LARP4B: variants seen among roughly 807,000 people sequenced by gnomAD.
The protein encoded by LARP4B is La ribonucleoprotein 4B.
Under a neutral mutation model 89.8 loss-of-function variants are expected in LARP4B, and 12 were observed. The ratio of observed to expected loss-of-function variants is 0.13; its 90% CI spans 0.09 to 0.22. The LOEUF is 0.22. Ranked by LOEUF, LARP4B falls within the 10% of genes least tolerant of loss-of-function variation. LARP4B has a pLI of 1.00. For synonymous variants in LARP4B, 367 were observed against 363.3 expected (o/e 1.01, Z -0.12); for missense variants, 757 against 947.7 (o/e 0.80, Z 2.64).
At chr10:895,672 C>CAAA (rs1312520352) in intron 1 of LARP4B, among the ~76,000 whole-genome samples, 2 of 64,138 alleles carry the variant, frequency 3.1e-5, no homozygotes, top group African/African-American at 6.1e-5. Context: ...GAGTCCATCT[C>CAAA]AAAAAAAAAA....
intron 5 of LARP4B, among the ~76,000 whole-genome samples, chr10:861,370 T>C (rs952791610): frequency 1.3e-5 from 2 of 152,192 alleles, no homozygotes; most frequent in African/African-American, 2.4e-5. Context: ...ACAGAAAATC[T>C]GGGGTATACC....
the LARP4B span, among the ~76,000 whole-genome samples, chr10:965,083 G>A: frequency 1.3e-5 from 2 of 152,218 alleles, no homozygotes; most frequent in African/African-American, 2.4e-5. Flanking sequence ...GAGTGGACGG[G>A]GGACCTGCTA....
intron 3 of LARP4B, among the ~76,000 whole-genome samples, chr10:868,619 A>C (rs988825183): frequency 2.0e-5 from 3 of 152,204 alleles, no homozygotes; most frequent in African/African-American, 7.2e-5. Flanking sequence ...CACTTCTGTA[A>C]AAGATTAACT....
intron 5 of LARP4B, among the ~76,000 whole-genome samples, chr10:852,980 G>A (rs1834130181): frequency 6.6e-6 from 1 of 152,174 alleles, no homozygotes; most frequent in African/African-American, 2.4e-5. Context: ...ACAAGTAAGA[G>A]ATACATCTTG....
At chr10:906,756 T>A (rs910948160) in intron 1 of LARP4B, among the ~76,000 whole-genome samples, 14 of 152,136 alleles carry the variant, frequency 9.2e-5, no homozygotes, top group Admixed American at 7.9e-4. Context: ...TGATAACCAA[T>A]CTCTCTTATT....
At chr10:868,810 T>C (rs1835044913) in intron 3 of LARP4B, among the ~76,000 whole-genome samples, 1 of 152,230 alleles carries the variant, frequency 6.6e-6, no homozygotes, top group African/African-American at 2.4e-5. Context: ...TTTATTTCCA[T>C]ATAGTAAGTG....
At position 915,832 on chromosome 10, in the gene LARP4B, CA is replaced by C. The variant is rs71297915; in HGVS notation, c.-40+15595del. Among the ~76,000 whole-genome samples the C allele has an allele frequency of 4.8e-3, 363 of 75,166 alleles. 1 individual carries two copies. Among genetic ancestry groups the C allele is most frequent in the African/African-American group, 8.6e-3 (160 of 18,540 alleles). The allele number at this position is 75,166 out of a possible 152,430, so 49.3% of individuals were successfully genotyped here. Reference sequence around the variant, plus strand: ...TGGGAGACAGAGCGAGACTCCGCCTCAAAAAAAAAAAAAAAAAAGGTTTTTG... The same window carrying C: ...TGGGAGACAGAGCGAGACTCCGCCTCAAAAAAAAAAAAAAAAAGGTTTTTG... On this transcript the variant is annotated intron_variant, in intron 1 of 17. Coordinates refer to ENST00000316157, the MANE Select transcript of LARP4B (RefSeq NM_015155.3).
intron 5 of LARP4B, among the ~76,000 whole-genome samples, chr10:857,350 G>GT (rs1193006011): frequency 2.0e-5 from 3 of 152,200 alleles, no homozygotes; most frequent in Non-Finnish European, 4.4e-5. Context: ...GAAAACTACT[G>GT]TAACAGAAAT....
intron 3 of LARP4B, among the ~76,000 whole-genome samples, chr10:878,197 G>A (rs1332887130): frequency 6.6e-6 from 1 of 152,174 alleles, no homozygotes; most frequent in Non-Finnish European, 1.5e-5. Flanking sequence ...GACTACGAAG[G>A]CTAGGGACCT....
chr10:833,104 G>A lies in LARP4B; in HGVS notation c.751-2127C>T, dbSNP rs567673321. The stretch of plus-strand genomic sequence containing the variant: ...AGGCATGGTGCTCTGTGAATTACAC[G>A]GACTCTAGTAAAGTTAGAGGGTCAG... On this transcript the variant is annotated intron_variant, in intron 8 of 17. Transcript: ENST00000316157. Among the ~76,000 whole-genome samples the A allele has an allele frequency of 6.6e-5, 10 of 151,986 alleles. No individual in the cohort carries two copies. The East Asian group carries it at 1.7e-3, about 26-fold the overall frequency.
chr10:934,261 C>T (rs1830719882), upstream of LARP4B, among the ~76,000 whole-genome samples: 1 of 151,926 alleles, frequency 6.6e-6, no homozygotes, highest in East Asian at 2.0e-4. Context: ...CTTTAGGAGG[C>T]CAAGGCAGGC....
chr10:879,687 C>A (rs1468492677), intron 3 of LARP4B, among the ~76,000 whole-genome samples: 1 of 152,074 alleles, frequency 6.6e-6, no homozygotes, highest in African/African-American at 2.4e-5. Context: ...GATATGGGGT[C>A]TTGAACTGGG....
intron 13 of LARP4B, chr10:821,048 C>T (rs1436311350): frequency 1.7e-5 from 10 of 571,996 alleles, no homozygotes; most frequent in Admixed American, 3.2e-5. Context: ...AAGGGACTAA[C>T]GTGGAAGTCC....
intron 1 of LARP4B, among the ~76,000 whole-genome samples, chr10:919,451 C>G (rs1243712713): frequency 4.0e-5 from 6 of 151,762 alleles, no homozygotes; most frequent in Non-Finnish European, 8.8e-5. Flanking sequence ...GTCACCAAGA[C>G]TCAGTTTCCC....
intron 1 of LARP4B, among the ~76,000 whole-genome samples, chr10:897,559 T>C (rs1320283744): frequency 6.6e-6 from 1 of 152,120 alleles, no homozygotes; most frequent in Non-Finnish European, 1.5e-5. Context: ...CAAAGCACAC[T>C]ATCAAGAAAG....
At chr10:895,250 ATAAG>A (rs1314293172) in intron 1 of LARP4B, among the ~76,000 whole-genome samples, 35 of 152,148 alleles carry the variant, frequency 2.3e-4, no homozygotes, top group Admixed American at 2.0e-3. Flanking sequence ...GTCCACAATA[ATAAG>A]TAAAAGAAAA....
chr10:833,249 T>TAAAAAAAAAAAAAAAA (rs56788542), intron 8 of LARP4B, among the ~76,000 whole-genome samples: 4 of 52,038 alleles, frequency 7.7e-5, no homozygotes, highest in Non-Finnish European at 1.3e-4. Context: ...TGATGAGCTT[T>TAAAAAAAAAAAAAAAA]AAAAAAAAAA....
intron 4 of LARP4B, 119 bp from the exon 5 acceptor site, chr10:864,002 A>G (rs1834762342): frequency 4.5e-6 from 7 of 1,547,934 alleles, no homozygotes; most frequent in East Asian, 2.3e-5. Flanking sequence ...TGGGCTCTCA[A>G]GCACTGCCAC....
chr10:949,778 T>A, the LARP4B span, among the ~76,000 whole-genome samples: 4 of 152,228 alleles, frequency 2.6e-5, no homozygotes, highest in African/African-American at 9.6e-5. Flanking sequence ...TTTTTTCCTG[T>A]CTTTTGCTGA....
Sources: gnomAD v4.1 joint callset for allele counts (sites outside exome capture counted in the v4.1 genomes callset) on GRCh38, gnomAD v4.1.1 for gene constraint, MANE v1.5 for transcripts, NCBI Gene and HGNC (gene_info 2026-07-23, HGNC 2026-07-21) for gene names.